The following DYNC2H1 variants were observed in gnomAD, a reference collection of about 807,000 sequenced individuals.
DYNC2H1 encodes the protein cytoplasmic dynein 2 heavy chain 1.
DYNC2H1 carries 410 observed loss-of-function variants against 570.0 expected under a neutral mutation model. That is an observed-to-expected ratio of 0.72 (90% confidence interval 0.66 to 0.78). The LOEUF (loss-of-function observed/expected upper bound fraction) is 0.78, where lower values mean the gene tolerates loss of function less well. Among genes scored for constraint, DYNC2H1 ranks in the 30% least tolerant of loss-of-function variants. The pLI, the probability that DYNC2H1 is intolerant of heterozygous loss-of-function variation, is 0.00. For missense variants in DYNC2H1, 4,865 were observed against 5,046.4 expected, an observed-to-expected ratio of 0.96 and a Z score of 1.09; for synonymous variants, 1,688 against 1,677.6, an observed-to-expected ratio of 1.01 and a Z score of -0.15.
Position 103,117,631 on chromosome 11 carries a change from G to A in DYNC2H1, c.767G>A (p.Gly256Asp), listed in dbSNP as rs1858479323. The change falls in exon 6 of 89, where the codon GGT becomes GAT. Residue 256 changes from glycine (G) to aspartate (D), a missense_variant and splice_region_variant. Around this residue, in one of 5 missense-constraint regions of DYNC2H1, gnomAD observed 1,936 missense variants for 1,962.1 expected, o/e 0.99. Coordinates refer to ENST00000375735, the MANE Select transcript of DYNC2H1 (RefSeq NM_001377.3). Reference protein sequence around the residue: ...SRMLHLLDIIGGSFGRFVQKK... With the variant: ...SRMLHLLDIIDGSFGRFVQKK... ...AACTCTTTGCTTTATGTTTTATTAG[G>A]TGGTTCATTTGGAAGGTTTGTTCAG... 1 of 1,584,920 alleles carries A rather than the reference G, an allele frequency of 6.3e-7. No homozygotes were observed. The highest frequency in any genetic ancestry group is 1.4e-5 in the African/African-American group (1 of 74,072).
At chr11:103,111,815 C>T (rs1482076560) in intron 1 of DYNC2H1, among the ~76,000 whole-genome samples, 11 of 152,016 alleles carry the variant, frequency 7.2e-5, no homozygotes, top group Admixed American at 7.2e-4. Flanking sequence ...TTCAGTTGTA[C>T]TTTAGTTGCC....
chr11:103,456,175 TATTTTA>T, intron 86 of DYNC2H1, 94 bp from the exon 87 acceptor site: 2 of 853,722 alleles, frequency 2.3e-6, no homozygotes, highest in South Asian at 2.6e-5. Context: ...ACATGGTAAA[TATTTTA>T]ATTTTAAATA....
chr11:103,479,077 A>C lies in DYNC2H1; in HGVS notation c.12766-18A>C, dbSNP rs1945661589. ...ATAGTGTATTGCTTTATTTTAAAAC[A>C]AGTTATTTTTTAAACAGGATGCATG... On this transcript the variant is annotated intron_variant, in intron 88 of 88. Transcript: ENST00000375735. The C allele has an allele frequency of 6.2e-7, 1 of 1,612,662 alleles. No homozygotes were observed. The highest frequency in any genetic ancestry group is 1.3e-5 in the African/African-American group (1 of 75,040).
At position 103,186,906 on chromosome 11, in the gene DYNC2H1, C is replaced by G. The variant is rs1056745918; in HGVS notation, c.6893+405C>G. Among the ~76,000 whole-genome samples the G allele has an allele frequency of 6.6e-6, 1 of 151,978 alleles. No individual in the cohort carries two copies. The highest frequency in any genetic ancestry group is 1.5e-5 in the Non-Finnish European group (1 of 67,954). ...AGTTTTAGTTCATATGGAGCATAGT[C>G]TCCTGAAATATAGGAACCATGGTTT... On this transcript the variant is annotated intron_variant, in intron 42 of 88. Transcript: ENST00000375735. The surrounding 1 kb of genome is among the most constrained non-coding windows in gnomAD (Gnocchi z 4.5).
chr11:103,288,878 C>T (rs1361908123), intron 75 of DYNC2H1, among the ~76,000 whole-genome samples: 1 of 101,164 alleles, frequency 9.9e-6, no homozygotes, highest in Non-Finnish European at 2.0e-5. Flanking sequence ...AAGACTCAAT[C>T]TCAAAAAAAA....
intron 84 of DYNC2H1, among the ~76,000 whole-genome samples, chr11:103,414,893 A>C (rs1943223358): frequency 6.6e-6 from 1 of 152,204 alleles, no homozygotes; most frequent in South Asian, 2.1e-4. Context: ...GGACACAAAC[A>C]AATAGAAAAA....
intron 87 of DYNC2H1, among the ~76,000 whole-genome samples, chr11:103,462,450 C>G (rs142362779): frequency 2.1e-3 from 315 of 152,220 alleles, no homozygotes; most frequent in Middle Eastern, 0.017. Context: ...CAGTGACAGC[C>G]TCATTCCTCA....
intron 25 of DYNC2H1, 82 bp downstream of exon 25, chr11:103,155,583 A>G: frequency 7.3e-7 from 1 of 1,377,440 alleles, no homozygotes; most frequent in Non-Finnish European, 9.6e-7. Context: ...TTAAATACAA[A>G]AAAAGTCTTC....
chr11:103,154,158 A>G (rs1385311326), intron 22 of DYNC2H1, among the ~76,000 whole-genome samples: 1 of 151,918 alleles, frequency 6.6e-6, no homozygotes, highest in East Asian at 1.9e-4. Context: ...TGTATTACGT[A>G]CATATAAATC....
intron 59 of DYNC2H1, 148 bp from the exon 60 acceptor site, chr11:103,231,112 T>A: frequency 2.1e-6 from 1 of 471,570 alleles, no homozygotes; most frequent in Admixed American, 3.9e-5. Context: ...TTAGCGTTGC[T>A]TTTCAAATTA....
intron 84 of DYNC2H1, among the ~76,000 whole-genome samples, chr11:103,419,225 A>T (rs1269720642): frequency 6.6e-6 from 1 of 152,200 alleles, no homozygotes; most frequent in Non-Finnish European, 1.5e-5. Flanking sequence ...GGGAGAATAC[A>T]AACAGTCCAG....
rs895544600 is a variant in DYNC2H1, at chr11:103,277,705, C to T, written c.10696-2643C>T. Among the ~76,000 whole-genome samples the T allele has an allele frequency of 3.3e-5, 5 of 152,102 alleles. No homozygotes were observed. The highest frequency in any genetic ancestry group is 5.9e-5 in the Non-Finnish European group (4 of 68,028). Reference sequence around the variant, plus strand: ...GTAGTTCTCTAAAGCAAGCTTGCCTCGACTCTTACCAGGTAACCTAGTGAC... The same window carrying T: ...GTAGTTCTCTAAAGCAAGCTTGCCTTGACTCTTACCAGGTAACCTAGTGAC... On this transcript the variant is annotated intron_variant, in intron 70 of 88. Coordinates refer to ENST00000375735, the MANE Select transcript of DYNC2H1 (RefSeq NM_001377.3). The surrounding 1 kb of genome is among the most constrained non-coding windows in gnomAD (Gnocchi z 4.3).
intron 84 of DYNC2H1, among the ~76,000 whole-genome samples, chr11:103,410,339 A>G (rs1565574364): frequency 6.6e-6 from 1 of 152,082 alleles, no homozygotes; most frequent in East Asian, 1.9e-4. Flanking sequence ...GGGTATAGAA[A>G]ATGTAGCCCA....
intron 87 of DYNC2H1, among the ~76,000 whole-genome samples, chr11:103,467,170 A>G (rs1034228758): frequency 6.6e-6 from 1 of 152,156 alleles, no homozygotes; most frequent in Non-Finnish European, 1.5e-5. Flanking sequence ...ATACAGATAA[A>G]ACTAAATTCA....
In DYNC2H1 at chr11:103,326,220, C is replaced by T. The variant is rs1351770154; in HGVS notation, c.12039+2230C>T. 2.0e-5 allele frequency among the ~76,000 whole-genome samples: 3 copies of T among 151,798 alleles called. No individual in the cohort carries two copies. The highest frequency in any genetic ancestry group is 4.8e-5 in the African/African-American group (2 of 41,278). On this transcript the variant is annotated intron_variant, in intron 82 of 88. Transcript: ENST00000375735. The surrounding 1 kb of genome is among the most constrained non-coding windows in gnomAD (Gnocchi z 6.1). ...TGTTATTTCCTTGTTTTCGCAGGCA[C>T]GTTCTTGGGAGTAGAGGGAGGGGCG...
At chr11:103,298,003 CTT>C (rs1866903942) in intron 75 of DYNC2H1, among the ~76,000 whole-genome samples, 1 of 152,092 alleles carries the variant, frequency 6.6e-6, no homozygotes, top group African/African-American at 2.4e-5. Flanking sequence ...TCCTTCCCCA[CTT>C]TAAGTCTATC....
chr11:103,440,088 A>G (rs1483986796), intron 85 of DYNC2H1, among the ~76,000 whole-genome samples: 3 of 152,006 alleles, frequency 2.0e-5, no homozygotes, highest in African/African-American at 4.8e-5. Context: ...AGTTTTCTCA[A>G]CTACTCATAG....
intron 75 of DYNC2H1, among the ~76,000 whole-genome samples, chr11:103,291,665 C>A (rs1866605408): frequency 6.6e-6 from 1 of 151,874 alleles, no homozygotes; most frequent in African/African-American, 2.4e-5. Context: ...GTTGAAGTGC[C>A]CTGCTATTAT....
chr11:103,477,974 TATA>T (rs1407661181), intron 88 of DYNC2H1, among the ~76,000 whole-genome samples: 3 of 151,950 alleles, frequency 2.0e-5, no homozygotes, highest in African/African-American at 4.8e-5. Context: ...GATGAACTTG[TATA>T]ATAATACCTG....
Sources: allele counts gnomAD v4.1 joint callset (sites outside exome capture counted in the v4.1 genomes callset), GRCh38; gene constraint gnomAD v4.1.1; regional missense constraint gnomAD v4.1.1; non-coding constraint Gnocchi (gnomAD v3.1); transcripts MANE v1.5; gene names NCBI Gene and HGNC (gene_info 2026-07-23, HGNC 2026-07-21).